The following MUCL1 variants were observed in gnomAD, a reference collection of about 807,000 sequenced individuals.
The protein encoded by MUCL1 is mucin-like protein 1.
Under a neutral mutation model 9.2 loss-of-function variants are expected in MUCL1, and 11 were observed. That is an observed-to-expected ratio of 1.19 (90% CI 0.75 to 1.97). The LOEUF (loss-of-function observed/expected upper bound fraction) is 1.97, where lower values mean the gene tolerates loss of function less well. Among genes scored for constraint, MUCL1 ranks in the 30% most tolerant of loss-of-function variants. The probability of loss-of-function intolerance (pLI) is 0.00; values close to 1 mark genes in which losing one functional copy is unlikely to be tolerated. For synonymous variants in MUCL1, 48 were observed against 40.5 expected (o/e 1.19, Z -0.71); for missense variants, 144 against 110.9 (o/e 1.30, Z -1.34).
chr12:54,839,391 G>A, exon 1 of MUCL1: 1 of 701,910 alleles, frequency 1.4e-6, no homozygotes. Flanking sequence ...GAACAGTTCA[G>A]GCTTCTGGCC....
chr12:54,849,248 T>A (rs1370624660), intron 1 of MUCL1, among the ~76,000 whole-genome samples: 2 of 152,114 alleles, frequency 1.3e-5, no homozygotes, highest in African/African-American at 2.4e-5. Context: ...ATGGGGAAAT[T>A]TATTTAACAT....
At chr12:54,838,982 T>A (rs907199233), upstream of MUCL1, among the ~76,000 whole-genome samples, 2 of 151,882 alleles carry the variant, frequency 1.3e-5, no homozygotes, top group Non-Finnish European at 2.9e-5. Flanking sequence ...ATCTTCTGGA[T>A]GGGTTATAGA....
At chr12:54,835,552 A>G (rs1429942919), upstream of MUCL1, among the ~76,000 whole-genome samples, 2 of 147,978 alleles carry the variant, frequency 1.4e-5, no homozygotes, top group Non-Finnish European at 3.0e-5. Context: ...CCATTTGTAT[A>G]TCTTCTTTTG....
chr12:54,833,836 G>T, intron 1 of MUCL1, among the ~76,000 whole-genome samples: 1 of 147,152 alleles, frequency 6.8e-6, no homozygotes, highest in Non-Finnish European at 1.5e-5. Flanking sequence ...TTGGGGGAGG[G>T]GGGAGGGATA....
chr12:54,841,024 C>G (rs1959208985), intron 1 of MUCL1, among the ~76,000 whole-genome samples: 1 of 152,148 alleles, frequency 6.6e-6, no homozygotes, highest in Admixed American at 6.5e-5. Flanking sequence ...CACCATTCTA[C>G]TCTCTGCCTC....
At chr12:54,838,564 T>C (rs912164864), upstream of MUCL1, among the ~76,000 whole-genome samples, 1 of 152,196 alleles carries the variant, frequency 6.6e-6, no homozygotes, top group Non-Finnish European at 1.5e-5. Flanking sequence ...GGAGCACAAA[T>C]GATTCTTAGG....
chr12:54,851,050 C>A (rs1330512608), upstream of MUCL1, among the ~76,000 whole-genome samples: 1 of 152,094 alleles, frequency 6.6e-6, no homozygotes, highest in Non-Finnish European at 1.5e-5. Flanking sequence ...ATTGTAGATT[C>A]TGGATATTAG....
At chr12:54,842,053 T>TC (rs1959215044) in intron 1 of MUCL1, among the ~76,000 whole-genome samples, 1 of 152,132 alleles carries the variant, frequency 6.6e-6, no homozygotes. Context: ...CTAATTAGTT[T>TC]CCAAAAACAA....
In MUCL1 at chr12:54,856,883, G is replaced by A; in HGVS notation, c.214G>A (p.Asp72Asn). 4 of 1,613,734 alleles carry A rather than the reference G, an allele frequency of 2.5e-6. No individual in the cohort carries two copies. The highest frequency in any genetic ancestry group is 3.4e-6 in the Non-Finnish European group (4 of 1,179,800). Residue 72 changes from aspartate to asparagine, a missense_variant, in exon 3 of 4, where the codon GAC becomes AAC. By Grantham distance (23) the Asp-to-Asn change is conservative (BLOSUM62 1). Coordinates refer to ENST00000308796, the MANE Select transcript of MUCL1 (RefSeq NM_058173.3). Reference protein sequence around the residue: ...TTAASTTARKDIPVLPKWVGD... With the variant: ...TTAASTTARKNIPVLPKWVGD... Reference sequence around the variant, plus strand: ...CGCTGCTTCTACCACTGCTCGTAAAGACATTCCAGGTAGCAAGACTCCTCC... The same window carrying A: ...CGCTGCTTCTACCACTGCTCGTAAAAACATTCCAGGTAGCAAGACTCCTCC...
At chr12:54,853,196 T>A (rs1868268478), upstream of MUCL1, among the ~76,000 whole-genome samples, 1 of 152,208 alleles carries the variant, frequency 6.6e-6, no homozygotes, top group Non-Finnish European at 1.5e-5. Context: ...GCATACTTTG[T>A]ATGAAGAAGA....
intron 1 of MUCL1, among the ~76,000 whole-genome samples, chr12:54,841,240 T>C (rs1959209958): frequency 6.6e-6 from 1 of 152,358 alleles, no homozygotes; most frequent in East Asian, 1.9e-4. Flanking sequence ...TCTTTATTCA[T>C]TTATTAACCG....
At chr12:54,830,990 C>A (rs1034686632) in intron 1 of MUCL1, 2 of 152,152 alleles carry the variant, frequency 1.3e-5, no homozygotes, top group Non-Finnish European at 2.9e-5. Context: ...TGTTGGTGAA[C>A]AGATATCCTT....
rs367915417 is a variant in MUCL1, at chr12:54,856,903, T to G, written c.223+11T>G. 34 of 1,613,482 alleles carry G rather than the reference T, an allele frequency of 2.1e-5. No individual in the cohort carries two copies. Among genetic ancestry groups the G allele is most frequent in the South Asian group, 6.6e-5 (6 of 91,054 alleles). ...GTAAAGACATTCCAGGTAGCAAGAC[T>G]CCTCCATCTGTGTGCTTCCTTTATG... On this transcript the variant is annotated intron_variant, in intron 3 of 3. Transcript: ENST00000308796.
At chr12:54,836,228 T>C (rs1343556780), upstream of MUCL1, among the ~76,000 whole-genome samples, 1 of 152,196 alleles carries the variant, frequency 6.6e-6, no homozygotes, top group East Asian at 1.9e-4. Context: ...TTTTTTGTAG[T>C]TGTTGCTGGC....
At chr12:54,837,601 TA>T (rs574160821), upstream of MUCL1, among the ~76,000 whole-genome samples, 13 of 150,274 alleles carry the variant, frequency 8.7e-5, no homozygotes, top group African/African-American at 1.5e-4. Context: ...CTGTCTCTAC[TA>T]AAAAAAAATA....
chr12:54,841,873 A>T (rs551544645), intron 1 of MUCL1, among the ~76,000 whole-genome samples: 3 of 152,226 alleles, frequency 2.0e-5, no homozygotes, highest in South Asian at 2.1e-4. Context: ...TACCCAAAAA[A>T]TTATCACCAT....
upstream of MUCL1, among the ~76,000 whole-genome samples, chr12:54,853,007 A>G (rs931345833): frequency 2.0e-5 from 3 of 152,048 alleles, no homozygotes; most frequent in Admixed American, 6.6e-5. Context: ...GAGGTTGAAG[A>G]CCACTCCCTC....
chr12:54,855,142 G>A lies in MUCL1; in HGVS notation c.85G>A (p.Asp29Asn). 1 of 1,613,334 alleles carries A rather than the reference G, an allele frequency of 6.2e-7. No homozygotes were observed. The highest frequency in any genetic ancestry group is 8.5e-7 in the Non-Finnish European group (1 of 1,179,634). ...AQNPTTAAPA[D>N]TYPATGPADD... The stretch of plus-strand genomic sequence containing the variant: ...GAATCCGACAACAGCTGCTCCAGCT[G>A]ACACGTATCCAGCTAGTGAGTCTGC... The change falls in exon 2 of 4, where the codon GAC becomes AAC. Residue 29 changes from aspartate (D) to asparagine (N), a missense_variant. Physicochemically the swap from Asp to Asn is conservative, Grantham distance 23. Coordinates refer to ENST00000308796, the MANE Select transcript of MUCL1 (RefSeq NM_058173.3).
chr12:54,836,483 T>C (rs1959193220), upstream of MUCL1, among the ~76,000 whole-genome samples: 1 of 152,220 alleles, frequency 6.6e-6, no homozygotes, highest in Admixed American at 6.5e-5. Flanking sequence ...CTCTCTTTTC[T>C]TGGTTAATCT....
Sources: allele counts gnomAD v4.1 joint callset (sites outside exome capture counted in the v4.1 genomes callset), GRCh38; gene constraint gnomAD v4.1.1; transcripts MANE v1.5; gene names NCBI Gene and HGNC (gene_info 2026-07-23, HGNC 2026-07-21).